The following ATP6V1C2 variants were observed in gnomAD, a reference collection of about 807,000 sequenced individuals.
ATP6V1C2 encodes ATPase H+ transporting V1 subunit C2.
In ATP6V1C2, 45 loss-of-function variants were observed where a neutral mutation model predicts 56.8. The observed-to-expected ratio is 0.79, with a 90% confidence interval of 0.62 to 1.02. The LOEUF is 1.02. Ranked by LOEUF, ATP6V1C2 falls within the 50% of genes least tolerant of loss-of-function variation. The probability of loss-of-function intolerance (pLI) is 0.00; values close to 1 mark genes in which losing one functional copy is unlikely to be tolerated. For missense variants in ATP6V1C2, 463 were observed against 519.7 expected (o/e 0.89, Z 1.06); for synonymous variants, 220 against 201.3 (o/e 1.09, Z -0.79).
In ATP6V1C2 at chr2:10,771,914, C is replaced by G; in HGVS notation, c.546C>G (p.Val182=). Reference sequence around the variant, plus strand: ...TCGTGCTGGATTCTGAATATCTCGTCACACTTCTGGTCATCGTCCCCAAGT... The same window carrying G: ...TCGTGCTGGATTCTGAATATCTCGTGACACTTCTGGTCATCGTCCCCAAGT... The part of the protein sequence containing the change: ...EDFVLDSEYL[V]TLLVIVPKPN... Residue 182 remains valine, a synonymous_variant, in exon 7 of 14, where the codon GTC becomes GTG. Transcript: ENST00000272238. The G allele has an allele frequency of 1.2e-6, 2 of 1,614,108 alleles. No homozygotes were observed. The highest frequency in any genetic ancestry group is 1.7e-6 in the Non-Finnish European group (2 of 1,179,960).
At chr2:10,754,606 C>T (rs575111964) in intron 4 of ATP6V1C2, among the ~76,000 whole-genome samples, 1 of 149,738 alleles carries the variant, frequency 6.7e-6, no homozygotes, top group South Asian at 2.1e-4. Context: ...TGGAGTCTCG[C>T]TTGTCACCCA....
At position 10,782,284 on chromosome 2, in the gene ATP6V1C2, C is replaced by T. The variant is rs142915630; in HGVS notation, c.1103C>T (p.Pro368Leu). The change falls in exon 13 of 14, where the codon CCG (proline) becomes CTG (leucine). Residue 368 changes from proline to leucine, a missense_variant. By Grantham distance (98) the Pro-to-Leu change is moderately conservative. Transcript: ENST00000272238. ...PVNFQAVLLQ[P>L]HKKSSTKRLR... ...AACTTCCAGGCAGTGCTCCTGCAGC[C>T]GCATAAGAAGTCATCCACCAAGCGT... 28 of 1,614,032 alleles carry T rather than the reference C, an allele frequency of 1.7e-5. No individual in the cohort carries two copies. Among genetic ancestry groups the T allele is most frequent in the East Asian group, 4.5e-5 (2 of 44,894 alleles).
chr2:10,730,853 A>G (rs966509108), intron 3 of ATP6V1C2, among the ~76,000 whole-genome samples: 2 of 151,934 alleles, frequency 1.3e-5, no homozygotes, highest in East Asian at 3.9e-4. Flanking sequence ...GGATTTCTCC[A>G]CATTGGTCAG....
intron 12 of ATP6V1C2, among the ~76,000 whole-genome samples, chr2:10,779,053 C>T (rs1450840382): frequency 1.3e-5 from 2 of 151,976 alleles, no homozygotes; most frequent in Non-Finnish European, 1.5e-5. Flanking sequence ...CCCCTCAAGG[C>T]AGTCCAGAGA....
chr2:10,769,964 T>C (rs1236132394), intron 6 of ATP6V1C2: 3 of 152,214 alleles, frequency 2.0e-5, no homozygotes, highest in East Asian at 3.9e-4. Flanking sequence ...CTCCCCCTGA[T>C]TGGCCCACTA....
At chr2:10,745,379 G>C (rs1662853606) in intron 3 of ATP6V1C2, among the ~76,000 whole-genome samples, 1 of 139,152 alleles carries the variant, frequency 7.2e-6, no homozygotes, top group African/African-American at 2.7e-5. Flanking sequence ...TCTTTAGACA[G>C]AGTCTCACTC....
chr2:10,778,111 T>C (rs1383017595), intron 11 of ATP6V1C2, among the ~76,000 whole-genome samples: 1 of 152,028 alleles, frequency 6.6e-6, no homozygotes, highest in Non-Finnish European at 1.5e-5. Flanking sequence ...GCTCCAAGAC[T>C]CTTGAGCTCC....
Position 10,782,097 on chromosome 2 carries a change from C to T in ATP6V1C2, c.1062-146C>T, listed in dbSNP as rs1665397197. 6 of 906,346 alleles carry T rather than the reference C, an allele frequency of 6.6e-6. No individual in the cohort carries two copies. In the South Asian group the frequency reaches 1.0e-4, roughly 15 times the overall value. 56.1% of individuals were successfully genotyped at this position (906,346 alleles called of 1,614,324 possible). On this transcript the variant is annotated intron_variant, in intron 12 of 13. Coordinates refer to ENST00000272238, the MANE Select transcript of ATP6V1C2 (RefSeq NM_001039362.2). ...TTTTCTATCCAGAGATCACCGCTGA[C>T]CCTAGGCATTTTGCTCGAGTTTGAC...
At chr2:10,764,767 C>T (rs1029579564) in intron 5 of ATP6V1C2, among the ~76,000 whole-genome samples, 4 of 152,154 alleles carry the variant, frequency 2.6e-5, no homozygotes, top group East Asian at 1.9e-4. Flanking sequence ...GTCAGGAGTT[C>T]GAGACCAGTC....
chr2:10,777,658 G>A lies in ATP6V1C2; in HGVS notation c.899G>A (p.Gly300Asp). 6.2e-7 allele frequency: 1 copy of A among 1,614,114 alleles called. No homozygotes were observed. Among genetic ancestry groups the A allele is most frequent in the Non-Finnish European group, 8.5e-7 (1 of 1,180,030 alleles). ...PDHKVKVTPL[G>D]NPDRPAAGQT... ...CACAAGGTTAAGGTAACCCCGCTAG[G>A]TAACCCTGATAGGCCTGCTGCGGGG... The change falls in exon 11 of 14, where the codon GGT becomes GAT. Residue 300 changes from glycine to aspartate, a missense_variant. Transcript: ENST00000272238.
At position 10,783,386 on chromosome 2, in the gene ATP6V1C2, A is replaced by G. The variant is rs1278903737; in HGVS notation, c.*123A>G. 1.7e-6 allele frequency: 1 copy of G among 590,014 alleles called. No individual in the cohort carries two copies. Among genetic ancestry groups the G allele is most frequent in the Non-Finnish European group, 2.9e-6 (1 of 342,018 alleles). The allele number at this position is 590,014 out of a possible 1,614,324, so 36.5% of individuals were successfully genotyped here. A position where few individuals can be genotyped will look rare whatever the true frequency, so the allele number is the denominator to read the frequency against. On this transcript the variant is annotated 3_prime_UTR_variant, in exon 14 of 14. Coordinates refer to ENST00000272238, the MANE Select transcript of ATP6V1C2 (RefSeq NM_001039362.2). ...GATCTTTTTCAGAGAAATTGCTCAC[A>G]AAAGTTAGTGACAGTTGTATTTATT...
intron 10 of ATP6V1C2, among the ~76,000 whole-genome samples, chr2:10,775,462 C>T (rs116182075): frequency 9.7e-4 from 148 of 152,308 alleles, no homozygotes; most frequent in African/African-American, 3.4e-3. Flanking sequence ...CACGTGGGCT[C>T]CAGGCGGGAG....
intron 11 of ATP6V1C2, 96 bp downstream of exon 11, chr2:10,777,818 C>A: frequency 6.9e-7 from 1 of 1,451,278 alleles, no homozygotes; most frequent in Non-Finnish European, 9.2e-7. Flanking sequence ...TTTTTCTGTT[C>A]TCTAATATGG....
rs550127352 is a variant in ATP6V1C2, at chr2:10,742,187, G to T, written c.198-11794G>T. Among the ~76,000 whole-genome samples, 14 of 152,308 alleles carry T rather than the reference G, an allele frequency of 9.2e-5. No homozygotes were observed. The South Asian group carries it at 2.9e-3, about 32-fold the overall frequency. On this transcript the variant is annotated intron_variant, in intron 3 of 13. Transcript: ENST00000272238. ...GGCCTCCCAAAGTGCTGGGATTATAGGCGTGAGTCACCACGCTGGCCTTTC... is the reference window on the plus strand; with the variant it reads ...GGCCTCCCAAAGTGCTGGGATTATATGCGTGAGTCACCACGCTGGCCTTTC...
chr2:10,772,644 T>TG, intron 8 of ATP6V1C2, 34 bp downstream of exon 8: 1 of 1,582,978 alleles, frequency 6.3e-7, no homozygotes, highest in Non-Finnish European at 8.7e-7. Flanking sequence ...CCAGGGCCCC[T>TG]GGGGTACATG....
chr2:10,742,137 T>C (rs930538119), intron 3 of ATP6V1C2, among the ~76,000 whole-genome samples: 6 of 152,210 alleles, frequency 3.9e-5, no homozygotes, highest in African/African-American at 1.4e-4. Flanking sequence ...CTCCAACTCC[T>C]GACCTCAGGC....
chr2:10,768,322 C>G (rs571767758), intron 5 of ATP6V1C2: 1 of 196,864 alleles, frequency 5.1e-6, no homozygotes, highest in Non-Finnish European at 1.0e-5. Context: ...AGAGGGAGAT[C>G]GGCACAGCCG....
At chr2:10,760,249 A>G (rs1348786177) in intron 4 of ATP6V1C2, among the ~76,000 whole-genome samples, 2 of 151,930 alleles carry the variant, frequency 1.3e-5, no homozygotes, top group African/African-American at 4.8e-5. Flanking sequence ...GTGTGCCTGT[A>G]ATCCCAGCTA....
At chr2:10,757,139 A>C (rs1663607058) in intron 4 of ATP6V1C2, among the ~76,000 whole-genome samples, 2 of 150,548 alleles carry the variant, frequency 1.3e-5, no homozygotes, top group Admixed American at 1.3e-4. Flanking sequence ...CGCCCTCCAG[A>C]GTAGCTGGGA....
Sources: gnomAD v4.1 joint callset for allele counts (sites outside exome capture counted in the v4.1 genomes callset) on GRCh38, gnomAD v4.1.1 for gene constraint, MANE v1.5 for transcripts, NCBI Gene and HGNC (gene_info 2026-07-23, HGNC 2026-07-21) for gene names.